The following FHIT variants were observed in gnomAD, a reference collection of about 807,000 sequenced individuals.
The protein encoded by FHIT is bis(5'-adenosyl)-triphosphatase.
FHIT carries 19 observed loss-of-function variants against 17.9 expected under a neutral mutation model. The ratio of observed to expected loss-of-function variants is 1.06; its 90% CI spans 0.74 to 1.56. FHIT has a LOEUF of 1.56. Ranked by LOEUF, FHIT falls within the 40% of genes most tolerant of loss-of-function variation. FHIT has a pLI of 0.00. For synonymous variants in FHIT, 81 were observed against 69.7 expected (o/e 1.16, Z -0.81); for missense variants, 248 against 189.2 (o/e 1.31, Z -1.82).
chr3:60,467,931 G>C (rs1182271359), intron 5 of FHIT, among the ~76,000 whole-genome samples: 1 of 151,786 alleles, frequency 6.6e-6, no homozygotes, highest in Non-Finnish European at 1.5e-5. Flanking sequence ...ATTGTATTGG[G>C]GTCTTATCTA....
intron 4 of FHIT, among the ~76,000 whole-genome samples, chr3:60,782,842 C>A (rs1485220668): frequency 2.0e-5 from 3 of 152,156 alleles, no homozygotes; most frequent in Admixed American, 2.0e-4. Flanking sequence ...TGGACGAAGG[C>A]AGAAGGGTAA....
At chr3:59,956,909 T>C (rs1707432181) in intron 7 of FHIT, among the ~76,000 whole-genome samples, 3 of 152,236 alleles carry the variant, frequency 2.0e-5, no homozygotes, top group Admixed American at 2.0e-4. Flanking sequence ...TCCATTACTC[T>C]AACCCTCAGT....
intron 3 of FHIT, among the ~76,000 whole-genome samples, chr3:61,014,968 A>T (rs904841042): frequency 1.1e-4 from 16 of 151,126 alleles, no homozygotes; most frequent in African/African-American, 3.4e-4. Context: ...CTTTTCTCTC[A>T]TCTTGAAGTG....
intron 5 of FHIT, among the ~76,000 whole-genome samples, chr3:60,414,425 A>C (rs11715925): frequency 0.23 from 35,479 of 152,100 alleles, 4,571 homozygotes; most frequent in Middle Eastern, 0.3. Flanking sequence ...ATGCTCAGTG[A>C]CAATATCAGT....
intron 4 of FHIT, among the ~76,000 whole-genome samples, chr3:60,612,371 G>A (rs1393359101): frequency 1.3e-5 from 2 of 151,952 alleles, no homozygotes; most frequent in Non-Finnish European, 2.9e-5. Context: ...GAAGCTAAAG[G>A]AATCTTCTCA....
intron 5 of FHIT, among the ~76,000 whole-genome samples, chr3:60,017,101 C>G (rs1700371607): frequency 6.6e-6 from 1 of 152,202 alleles, no homozygotes; most frequent in South Asian, 2.1e-4. Flanking sequence ...CTTGTTAGAG[C>G]TTTCATGACT....
intron 2 of FHIT, among the ~76,000 whole-genome samples, chr3:61,172,202 G>A (rs12632475): frequency 0.085 from 12,965 of 152,188 alleles, 1,209 homozygotes; most frequent in East Asian, 0.43. Context: ...ACTCAATACA[G>A]TAATGGTTAA....
intron 4 of FHIT, among the ~76,000 whole-genome samples, chr3:60,582,489 G>A (rs1317045770): frequency 2.0e-5 from 3 of 152,020 alleles, no homozygotes; most frequent in Non-Finnish European, 4.4e-5. Context: ...TTCCACTGGA[G>A]GGCAGTCTCC....
rs984004488 is a variant in FHIT, at chr3:60,190,759, TATA to T, written c.104-176610_104-176608del. Among the ~76,000 whole-genome samples the T allele has an allele frequency of 2.0e-5, 3 of 151,826 alleles. No homozygotes were observed. The South Asian group carries it at 6.2e-4, about 32-fold the overall frequency. Reference sequence around the variant, plus strand: ...TGCACATGTACCCTAAAACTTAAAGTATAATAATAATAAAATTTAAAAAAAATA... The same window carrying T: ...TGCACATGTACCCTAAAACTTAAAGTATAATAATAAAATTTAAAAAAAATA... On this transcript the variant is annotated intron_variant, in intron 5 of 9. Coordinates refer to ENST00000492590, the MANE Select transcript of FHIT (RefSeq NM_002012.4).
intron 2 of FHIT, among the ~76,000 whole-genome samples, chr3:61,137,114 C>T (rs566287114): frequency 1.3e-5 from 2 of 152,214 alleles, no homozygotes; most frequent in African/African-American, 4.8e-5. Flanking sequence ...AGCTTACAGG[C>T]AAAGGTTCAA....
chr3:60,386,457 A>T (rs1701015937), intron 5 of FHIT, among the ~76,000 whole-genome samples: 1 of 152,200 alleles, frequency 6.6e-6, no homozygotes, highest in African/African-American at 2.4e-5. Flanking sequence ...ATCCATGGTT[A>T]TTGCACCATC....
At chr3:60,212,762 G>A (rs1703514530) in intron 5 of FHIT, among the ~76,000 whole-genome samples, 1 of 152,144 alleles carries the variant, frequency 6.6e-6, no homozygotes, top group African/African-American at 2.4e-5. Context: ...GCCTGGGACA[G>A]GATATGAGAA....
intron 8 of FHIT, among the ~76,000 whole-genome samples, chr3:59,831,027 A>G (rs1405482156): frequency 1.3e-5 from 2 of 152,198 alleles, no homozygotes; most frequent in Non-Finnish European, 2.9e-5. Flanking sequence ...TATTGCAAGA[A>G]GCATAGTATC....
intron 5 of FHIT, among the ~76,000 whole-genome samples, chr3:60,209,026 A>G (rs1316736726): frequency 6.6e-6 from 1 of 152,206 alleles, no homozygotes; most frequent in Non-Finnish European, 1.5e-5. Flanking sequence ...ACTCAGACAT[A>G]AAGAATATTT....
chr3:60,309,150 T>C (rs571457732), intron 5 of FHIT, among the ~76,000 whole-genome samples: 4 of 152,268 alleles, frequency 2.6e-5, no homozygotes, highest in Non-Finnish European at 4.4e-5. Flanking sequence ...TAGCAATTAA[T>C]TACCAATAAA....
chr3:60,569,755 A>ATATATATATTTTTTTTTTTT, intron 4 of FHIT, among the ~76,000 whole-genome samples: 1 of 77,344 alleles, frequency 1.3e-5, no homozygotes, highest in African/African-American at 4.8e-5. Context: ...ATATATATAT[A>ATATATATATTTTTTTTTTTT]TTTTTTTTTT....
At chr3:61,169,151 A>T (rs1043649975) in intron 2 of FHIT, among the ~76,000 whole-genome samples, 2 of 152,158 alleles carry the variant, frequency 1.3e-5, no homozygotes, top group Non-Finnish European at 2.9e-5. Context: ...CAGCTGTCTG[A>T]CTCTAGCCTT....
At position 60,124,053 on chromosome 3, in the gene FHIT, G is replaced by C. The variant is rs796676838; in HGVS notation, c.104-109901C>G. Reference sequence around the variant, plus strand: ...AGAGAGAGAGAGAGAGAGAGAGAGAGAGACAGAGAGAGAGAGAGATACAAA... The same window carrying C: ...AGAGAGAGAGAGAGAGAGAGAGAGACAGACAGAGAGAGAGAGAGATACAAA... On this transcript the variant is annotated intron_variant, in intron 5 of 9. Transcript: ENST00000492590. Among the ~76,000 whole-genome samples, 24 of 119,488 alleles carry C rather than the reference G, an allele frequency of 2.0e-4. No homozygotes were observed. In the East Asian group the frequency reaches 5.1e-3, roughly 26 times the overall value. 78.4% of individuals were successfully genotyped at this position (119,488 alleles called of 152,430 possible). A position where few individuals can be genotyped will look rare whatever the true frequency, so the allele number is the denominator to read the frequency against.
intron 5 of FHIT, among the ~76,000 whole-genome samples, chr3:60,417,457 A>C (rs1221771219): frequency 1.3e-5 from 2 of 152,194 alleles, no homozygotes; most frequent in African/African-American, 4.8e-5. Context: ...TGCTGTTCAT[A>C]AATGTTTGGA....
Sources: gnomAD v4.1 joint callset for allele counts (sites outside exome capture counted in the v4.1 genomes callset) on GRCh38, gnomAD v4.1.1 for gene constraint, MANE v1.5 for transcripts, NCBI Gene and HGNC (gene_info 2026-07-23, HGNC 2026-07-21) for gene names.